BBS9: variants seen among roughly 807,000 people sequenced by gnomAD.
BBS9 encodes Bardet-Biedl syndrome 9, also known as protein PTHB1.
In BBS9, 89 loss-of-function variants were observed where a neutral mutation model predicts 117.7. That is an observed-to-expected ratio of 0.76 (90% CI 0.64 to 0.90). BBS9 has a LOEUF of 0.90. Among genes scored for constraint, BBS9 ranks in the 40% least tolerant of loss-of-function variants. The pLI is 0.00. For synonymous variants in BBS9, 379 were observed against 370.9 expected, an observed-to-expected ratio of 1.02 and a Z score of -0.25; for missense variants, 982 against 1,042.2, an observed-to-expected ratio of 0.94 and a Z score of 0.80.
intron 4 of BBS9, among the ~76,000 whole-genome samples, chr7:33,164,085 T>G (rs1315219869): frequency 6.6e-6 from 1 of 152,260 alleles, no homozygotes; most frequent in Non-Finnish European, 1.5e-5. Flanking sequence ...CATTTCGTTA[T>G]GTACCCAGTA....
chr7:33,408,420 C>T (rs1007856886), intron 19 of BBS9, among the ~76,000 whole-genome samples: 4 of 151,986 alleles, frequency 2.6e-5, no homozygotes, highest in Non-Finnish European at 5.9e-5. Context: ...CCTGCTTTCG[C>T]TGGTGCACGG....
At chr7:33,480,263 C>T (rs1199405321) in intron 19 of BBS9, among the ~76,000 whole-genome samples, 1 of 152,134 alleles carries the variant, frequency 6.6e-6, no homozygotes, top group Non-Finnish European at 1.5e-5. Context: ...CCAGTGTTAA[C>T]AACAGCAGCA....
In BBS9 at chr7:33,388,055, A is replaced by C. The variant is rs777081013; in HGVS notation, c.2026A>C (p.Ile676Leu). Reference sequence around the variant, plus strand: ...TGAGAGAGCTGTACAATTTCGGGCCATTCAACGCCGGCTACTAGCAAGATT... The same window carrying C: ...TGAGAGAGCTGTACAATTTCGGGCCCTTCAACGCCGGCTACTAGCAAGATT... ...LSERAVQFRA[I>L]QRRLLARFKD... is the part of the protein sequence containing the mutation. The change falls in exon 19 of 23, where the codon ATT (isoleucine) becomes CTT (leucine). Residue 676 changes from isoleucine (I) to leucine (L), a missense_variant. Ile to Leu is a conservative substitution (Grantham distance 5). Transcript: ENST00000242067. 1.2e-6 allele frequency: 2 copies of C among 1,614,072 alleles called. No individual in the cohort carries two copies. Among genetic ancestry groups the C allele is most frequent in the African/African-American group, 2.7e-5 (2 of 74,944 alleles).
intron 5 of BBS9, among the ~76,000 whole-genome samples, chr7:33,182,656 A>G (rs889997533): frequency 2.0e-5 from 3 of 152,214 alleles, no homozygotes; most frequent in African/African-American, 7.2e-5. Flanking sequence ...TATAATATTT[A>G]AGTGCCTATT....
chr7:33,141,660 G>A (rs1791485302), intron 1 of BBS9, among the ~76,000 whole-genome samples: 1 of 152,052 alleles, frequency 6.6e-6, no homozygotes, highest in African/African-American at 2.4e-5. Context: ...CTATAGATTT[G>A]ATTTGGATTT....
At chr7:33,223,694 T>G (rs1790708949) in intron 5 of BBS9, among the ~76,000 whole-genome samples, 1 of 151,732 alleles carries the variant, frequency 6.6e-6, no homozygotes, top group African/African-American at 2.4e-5. Flanking sequence ...TTTTTTTTTT[T>G]CACTAGATTA....
chr7:33,375,792 G>A (rs1001522469), intron 17 of BBS9, among the ~76,000 whole-genome samples: 2 of 151,652 alleles, frequency 1.3e-5, no homozygotes, highest in Non-Finnish European at 2.9e-5. Context: ...GGGATTTCAC[G>A]CCCAGGCTGG....
intron 19 of BBS9, among the ~76,000 whole-genome samples, chr7:33,390,879 A>G (rs1826953050): frequency 6.6e-6 from 1 of 152,170 alleles, no homozygotes; most frequent in South Asian, 2.1e-4. Context: ...ATCATATGAT[A>G]TGTATTAATC....
chr7:33,357,193 CA>C (rs1275294585), intron 15 of BBS9, among the ~76,000 whole-genome samples: 1 of 151,734 alleles, frequency 6.6e-6, no homozygotes, highest in Non-Finnish European at 1.5e-5. Flanking sequence ...AATCATTTAA[CA>C]ATTGAATGAC....
chr7:33,313,858 A>G (rs942903185), intron 9 of BBS9, among the ~76,000 whole-genome samples: 1 of 152,216 alleles, frequency 6.6e-6, no homozygotes, highest in African/African-American at 2.4e-5. Flanking sequence ...AAAATTATTT[A>G]AAAATGTCTA....
chr7:33,225,462 G>A (rs374519504), intron 5 of BBS9, among the ~76,000 whole-genome samples: 2 of 152,266 alleles, frequency 1.3e-5, no homozygotes, highest in African/African-American at 4.8e-5. Flanking sequence ...GCCTCCCAAA[G>A]TGCTGGGATT....
intron 21 of BBS9, among the ~76,000 whole-genome samples, chr7:33,580,508 GC>G (rs5883408): frequency 0.36 from 54,355 of 151,946 alleles, 14,119 homozygotes; most frequent in African/African-American, 0.73. Context: ...CAAAACAATA[GC>G]CTATGGCTTA....
At chr7:33,199,736 C>T (rs559683871) in intron 5 of BBS9, among the ~76,000 whole-genome samples, 28 of 150,836 alleles carry the variant, frequency 1.9e-4, no homozygotes, top group Admixed American at 1.5e-3. Flanking sequence ...TGGTTCAATT[C>T]GCTGCAGGGC....
At chr7:33,272,754 A>G (rs779456162) in intron 7 of BBS9, among the ~76,000 whole-genome samples, 2 of 152,152 alleles carry the variant, frequency 1.3e-5, no homozygotes, top group Non-Finnish European at 2.9e-5. Context: ...AGGGAAGCAG[A>G]TAAGTGTTTT....
chr7:33,508,250 T>C (rs555894384), intron 20 of BBS9, among the ~76,000 whole-genome samples: 4 of 152,354 alleles, frequency 2.6e-5, no homozygotes, highest in Admixed American at 2.6e-4. Flanking sequence ...TATGTATCAC[T>C]CTTTTTCTTT....
Position 33,390,531 on chromosome 7 carries a change from C to T in BBS9, c.2115+2387C>T, listed in dbSNP as rs1188825935. 1.4e-5 allele frequency: 14 copies of T among 965,820 alleles called. No individual in the cohort carries two copies. The African/African-American group carries it at 1.9e-4, about 13-fold the overall frequency. The allele number at this position is 965,820 out of a possible 1,614,324, so 59.8% of individuals were successfully genotyped here. A position where few individuals can be genotyped will look rare whatever the true frequency, so the allele number is the denominator to read the frequency against. On this transcript the variant is annotated intron_variant, in intron 19 of 22. Transcript: ENST00000242067. ...AATATGAGTACTATAAGGATTTTGA[C>T]TTAATTTTTATGTACCTTGCCATTC...
intron 19 of BBS9, among the ~76,000 whole-genome samples, chr7:33,399,875 T>C (rs1311491021): frequency 6.6e-6 from 1 of 152,150 alleles, no homozygotes; most frequent in Non-Finnish European, 1.5e-5. Context: ...TAATGCTAAT[T>C]GACATTAATG....
chr7:33,403,984 C>G (rs1481947156), intron 19 of BBS9, among the ~76,000 whole-genome samples: 9 of 152,232 alleles, frequency 5.9e-5, no homozygotes, highest in Admixed American at 1.3e-4. Flanking sequence ...CCTGTTGTTT[C>G]CTGACTTTTT....
At chr7:33,515,013 G>T (rs1018863083) in intron 20 of BBS9, among the ~76,000 whole-genome samples, 1 of 152,012 alleles carries the variant, frequency 6.6e-6, no homozygotes, top group Non-Finnish European at 1.5e-5. Flanking sequence ...CCAAGTAATG[G>T]TGCCTGGCAT....
Sources: gnomAD v4.1 joint callset for allele counts (sites outside exome capture counted in the v4.1 genomes callset) on GRCh38, gnomAD v4.1.1 for gene constraint, MANE v1.5 for transcripts, NCBI Gene and HGNC (gene_info 2026-07-23, HGNC 2026-07-21) for gene names.